The following GALNT9 variants were observed in gnomAD, a reference collection of about 807,000 sequenced individuals.
GALNT9 encodes the protein polypeptide N-acetylgalactosaminyltransferase 9.
In GALNT9, 47 loss-of-function variants were observed where a neutral mutation model predicts 63.1. That is an observed-to-expected ratio of 0.75 (90% CI 0.59 to 0.95). GALNT9 has a LOEUF of 0.95. Among genes scored for constraint, GALNT9 ranks in the 40% least tolerant of loss-of-function variants. The probability of loss-of-function intolerance (pLI) is 0.00; values close to 1 mark genes in which losing one functional copy is unlikely to be tolerated. For missense variants in GALNT9, 829 were observed against 874.8 expected (o/e 0.95, Z 0.66); for synonymous variants, 396 against 365.7 (o/e 1.08, Z -0.94).
chr12:132,259,362 G>GTGC (rs139752302), intron 4 of GALNT9, among the ~76,000 whole-genome samples: 2 of 152,372 alleles, frequency 1.3e-5, no homozygotes, highest in East Asian at 3.9e-4. Flanking sequence ...TAGTTGTGCA[G>GTGC]TGCACAACGT....
chr12:132,197,761 A>ACCCC, intron 10 of GALNT9, 31 bp downstream of exon 10: 1 of 1,426,296 alleles, frequency 7.0e-7, no homozygotes, highest in Non-Finnish European at 9.6e-7. Flanking sequence ...CCCCGCCCCA[A>ACCCC]CCCCACGGCC....
chr12:132,219,938 C>A (rs58626118), intron 6 of GALNT9, among the ~76,000 whole-genome samples: 1 of 120,230 alleles, frequency 8.3e-6, no homozygotes, highest in Non-Finnish European at 1.9e-5. Flanking sequence ...AGGGTGACAC[C>A]CGCCTGGGTA....
chr12:132,203,675 C>CGCCACACT lies in GALNT9; in HGVS notation c.1085_1092dup (p.Gly365SerfsTer79), dbSNP rs763563910. On this transcript the variant is annotated frameshift_variant, in exon 7 of 11. Transcript: ENST00000328957. LOFTEE classifies it high-confidence loss of function. ...GAGCAGGGCAGCACCTCCATGCTGC[C>CGCCACACT]GCCACACTGCCACACCTGCGGGGAG... 4 of 1,612,528 alleles carry CGCCACACT rather than the reference C, an allele frequency of 2.5e-6. No individual in the cohort carries two copies. The highest frequency in any genetic ancestry group is 1.3e-5 in the African/African-American group (1 of 74,846).
chr12:132,197,764 C>T, intron 10 of GALNT9, 28 bp downstream of exon 10: 1 of 1,470,888 alleles, frequency 6.8e-7, no homozygotes, highest in Non-Finnish European at 9.3e-7. Context: ...CGCCCCAACC[C>T]CACGGCCCCC....
intron 1 of GALNT9, among the ~76,000 whole-genome samples, chr12:132,298,007 C>A (rs73475817): frequency 0.016 from 2,357 of 151,958 alleles, 70 homozygotes; most frequent in African/African-American, 0.054. Flanking sequence ...CTGAGAAAAT[C>A]AACTCCCAAA....
At position 132,329,381 on chromosome 12, in the gene GALNT9, T is replaced by A; in HGVS notation, c.-178A>T. ...CGCGCCGGGCCACGGCCGCCGGGGGTCCCCCAGAGCGCAGAGGGCTGCCCG... is the reference window on the plus strand; with the variant it reads ...CGCGCCGGGCCACGGCCGCCGGGGGACCCCCAGAGCGCAGAGGGCTGCCCG... On this transcript the variant is annotated 5_prime_UTR_variant, in exon 1 of 11. Transcript: ENST00000328957. The A allele has an allele frequency of 8.5e-6, 8 of 944,448 alleles. No individual in the cohort carries two copies. The highest frequency in any genetic ancestry group is 1.1e-5 in the Non-Finnish European group (8 of 702,106). 58.5% of individuals were successfully genotyped at this position (944,448 alleles called of 1,614,324 possible).
At position 132,315,070 on chromosome 12, in the gene GALNT9, C is replaced by T. The variant is rs1240530864; in HGVS notation, c.238+13896G>A. Among the ~76,000 whole-genome samples the T allele has an allele frequency of 7.2e-5, 11 of 152,130 alleles. No individual in the cohort carries two copies. The highest frequency in any genetic ancestry group is 1.2e-4 in the African/African-American group (5 of 41,424). On this transcript the variant is annotated intron_variant, in intron 1 of 10. Transcript: ENST00000328957. The surrounding 1 kb of genome is among the most constrained non-coding windows in gnomAD (Gnocchi z 6.1). The stretch of plus-strand genomic sequence containing the variant: ...ATTTACAGATGAGGAAGCTGAGGAG[C>T]GGGAGACTGGGCGGCCTGACGGAGG...
At chr12:132,202,938 A>C (rs1565983332) in intron 7 of GALNT9, among the ~76,000 whole-genome samples, 1 of 152,194 alleles carries the variant, frequency 6.6e-6, no homozygotes. Flanking sequence ...GCCAAAGCCC[A>C]ACAGGAAACA....
intron 1 of GALNT9, among the ~76,000 whole-genome samples, chr12:132,294,763 C>A (rs573960918): frequency 3.1e-5 from 3 of 97,878 alleles, no homozygotes; most frequent in African/African-American, 1.6e-4. Flanking sequence ...TTCCCAGTCA[C>A]GTTCCCTGGA....
chr12:132,253,476 A>G (rs1457011748), intron 5 of GALNT9, among the ~76,000 whole-genome samples: 2 of 150,954 alleles, frequency 1.3e-5, no homozygotes, highest in African/African-American at 2.4e-5. Flanking sequence ...GTCACTTCTC[A>G]CAATGTTCCT....
chr12:132,216,052 A>ATAGACAGAGACATAGAGAGACG (rs1311419383), intron 6 of GALNT9, among the ~76,000 whole-genome samples: 2 of 152,172 alleles, frequency 1.3e-5, no homozygotes, highest in Non-Finnish European at 2.9e-5. Flanking sequence ...CCATCTAATG[A>ATAGACAGAGACATAGAGAGACG]TAGACAGAGA....
intron 1 of GALNT9, among the ~76,000 whole-genome samples, chr12:132,326,720 G>A (rs551918245): frequency 2.0e-4 from 30 of 152,296 alleles, no homozygotes; most frequent in East Asian, 3.9e-4. Flanking sequence ...GATTAGTATC[G>A]AGTGGGAGCT....
chr12:132,301,539 C>T (rs1881296046), intron 1 of GALNT9, among the ~76,000 whole-genome samples: 1 of 152,272 alleles, frequency 6.6e-6, no homozygotes, highest in Non-Finnish European at 1.5e-5. Flanking sequence ...CTGCCCCTCC[C>T]AATTCCACCC....
Position 132,265,678 on chromosome 12 carries a change from A to T in GALNT9, c.420-3053T>A, listed in dbSNP as rs569131263. ...GATGCCCGGTACAGGCCCGGGAAAGACAATGAAGATACCTTATTCCTGATG... is the reference window on the plus strand; with the variant it reads ...GATGCCCGGTACAGGCCCGGGAAAGTCAATGAAGATACCTTATTCCTGATG... On this transcript the variant is annotated intron_variant, in intron 2 of 10. Coordinates refer to ENST00000328957, the MANE Select transcript of GALNT9 (RefSeq NM_001122636.2). The surrounding 1 kb of genome is among the most constrained non-coding windows in gnomAD (Gnocchi z 5.3). Among the ~76,000 whole-genome samples, 15 of 152,266 alleles carry T rather than the reference A, an allele frequency of 9.9e-5. No individual in the cohort carries two copies. Among genetic ancestry groups the T allele is most frequent in the African/African-American group, 3.1e-4 (13 of 41,538 alleles).
intron 1 of GALNT9, among the ~76,000 whole-genome samples, chr12:132,304,649 ACACACCCTCACCCGGGCACAGCCTCG>A (rs2135578162): frequency 6.1e-5 from 1 of 16,386 alleles, no homozygotes; most frequent in South Asian, 5.4e-3. Flanking sequence ...CCTCGCCCGG[ACACACCCTCACCCGGGCACAGCCTCG>A]CCCGGGCACA....
chr12:132,264,922 T>C (rs28459537), intron 2 of GALNT9, among the ~76,000 whole-genome samples: 10,867 of 152,128 alleles, frequency 0.071, 1,291 homozygotes, highest in African/African-American at 0.25. Context: ...CCGACAGCCA[T>C]TGGGAGCCTC....
intron 6 of GALNT9, among the ~76,000 whole-genome samples, chr12:132,227,160 C>T (rs1877724874): frequency 6.6e-6 from 1 of 152,102 alleles, no homozygotes; most frequent in African/African-American, 2.4e-5. Flanking sequence ...AGAAATTCAG[C>T]CTGAGGAAAT....
chr12:132,297,041 C>G (rs1356782320), intron 1 of GALNT9, among the ~76,000 whole-genome samples: 5 of 150,548 alleles, frequency 3.3e-5, no homozygotes, highest in Admixed American at 6.6e-5. Flanking sequence ...TACCCAAACT[C>G]ACTCCCATGA....
intron 1 of GALNT9, among the ~76,000 whole-genome samples, chr12:132,287,984 C>T (rs1880669843): frequency 6.6e-6 from 1 of 152,196 alleles, no homozygotes; most frequent in Non-Finnish European, 1.5e-5. Flanking sequence ...GCTGGGCTGC[C>T]TTTTGTCAGC....
Sources: allele counts gnomAD v4.1 joint callset (sites outside exome capture counted in the v4.1 genomes callset), GRCh38; gene constraint gnomAD v4.1.1; non-coding constraint Gnocchi (gnomAD v3.1); transcripts MANE v1.5; gene names NCBI Gene and HGNC (gene_info 2026-07-23, HGNC 2026-07-21).